ROBO3: variants seen among roughly 807,000 people sequenced by gnomAD.
ROBO3 encodes the protein roundabout guidance receptor 3.
ROBO3 carries 97 observed loss-of-function variants against 160.5 expected under a neutral mutation model. The ratio of observed to expected loss-of-function variants is 0.60; its 90% CI spans 0.51 to 0.72. The LOEUF (loss-of-function observed/expected upper bound fraction) is 0.72. Among genes scored for constraint, ROBO3 ranks in the 30% least tolerant of loss-of-function variants. ROBO3 has a pLI of 0.00. For missense variants in ROBO3, 1,858 were observed against 1,846.5 expected (o/e 1.01, Z -0.11); for synonymous variants, 780 against 746.2 (o/e 1.05, Z -0.74).
Position 124,879,478 on chromosome 11 carries a change from G to T in ROBO3, c.3699G>T (p.Gln1233His), listed in dbSNP as rs187100978. The change falls in exon 25 of 28, where the codon CAG becomes CAT. Residue 1233 changes from glutamine to histidine, a missense_variant. Transcript: ENST00000397801. ...TASSAPGRTW[Q>H]GNGEMTPPLQ... ...CTAACACTGCAGGCAGAACCTGGCA[G>T]GGGAATGGGGAGATGACTCCCCCAC... 9.6e-4 allele frequency: 1,556 copies of T among 1,613,836 alleles called. 23 individuals carry two copies. Among genetic ancestry groups the T allele is most frequent in the Non-Finnish European group, 7.1e-5 (84 of 1,179,808 alleles).
chr11:124,878,232 C>A lies in ROBO3; in HGVS notation c.3182-66C>A. ...CTGGCACCTAGCCCGGCACTTCCTT[C>A]TGACCTGTCTCATCTCTGGCTCTTT... On this transcript the variant is annotated intron_variant, in intron 21 of 27. Coordinates refer to ENST00000397801, the MANE Select transcript of ROBO3 (RefSeq NM_022370.4). The surrounding 1 kb of genome is among the most constrained non-coding windows in gnomAD (Gnocchi z 4.3). 1 of 1,591,158 alleles carries A rather than the reference C, an allele frequency of 6.3e-7. No homozygotes were observed. The highest frequency in any genetic ancestry group is 8.6e-7 in the Non-Finnish European group (1 of 1,166,420).
Position 124,878,068 on chromosome 11 carries a change from C to A in ROBO3, c.3118C>A (p.Pro1040Thr), listed in dbSNP as rs1946448336. The change falls in exon 21 of 28, where the codon CCC becomes ACC. Residue 1040 changes from proline to threonine, a missense_variant. By Grantham distance (38) the Pro-to-Thr change is conservative. Transcript: ENST00000397801. The surrounding 1 kb of genome is among the most constrained non-coding windows in gnomAD (Gnocchi z 4.3). ...QTFHGGFPQH[P>T]SGDLGPWSQY... is the part of the protein sequence containing the mutation. Reference sequence around the variant, plus strand: ...CTTCCATGGGGGCTTCCCCCAACATCCCTCAGGAGATCTGGGTCCCTGGAG... The same window carrying A: ...CTTCCATGGGGGCTTCCCCCAACATACCTCAGGAGATCTGGGTCCCTGGAG... 1.2e-6 allele frequency: 2 copies of A among 1,612,500 alleles called. No individual in the cohort carries two copies. The highest frequency in any genetic ancestry group is 2.7e-5 in the African/African-American group (2 of 74,916).
At position 124,876,158 on chromosome 11, in the gene ROBO3, T is replaced by C; in HGVS notation, c.2593+33T>C. On this transcript the variant is annotated intron_variant, in intron 16 of 27. Coordinates refer to ENST00000397801, the MANE Select transcript of ROBO3 (RefSeq NM_022370.4). This position sits in a 1 kb window ranked among gnomAD's most constrained non-coding sequence, Gnocchi z 5.3. ...CACCCGAGGGCAGTGCTGAGGATCT[T>C]GACGGGGGCGGGGCAAGCCCCCCAC... 1 of 1,568,292 alleles carries C rather than the reference T, an allele frequency of 6.4e-7. No homozygotes were observed. Among genetic ancestry groups the C allele is most frequent in the South Asian group, 1.2e-5 (1 of 86,570 alleles).
intron 7 of ROBO3, among the ~76,000 whole-genome samples, chr11:124,871,887 G>T (rs528908799): frequency 2.0e-5 from 3 of 152,250 alleles, no homozygotes; most frequent in East Asian, 1.9e-4. Context: ...GGTTAGTAGG[G>T]GTGAAGCAGG....
At chr11:124,880,752 T>A in intron 27 of ROBO3, 144 bp downstream of exon 27, 10 of 1,040,062 alleles carry the variant, frequency 9.6e-6, no homozygotes, top group Middle Eastern at 2.9e-4. Flanking sequence ...GAGGGAGGAA[T>A]CCTGTAGAAG....
At chr11:124,870,459 T>G in intron 5 of ROBO3, 142 bp from the exon 6 acceptor site, 1 of 1,464,930 alleles carries the variant, frequency 6.8e-7, no homozygotes, top group South Asian at 1.3e-5. Flanking sequence ...CCCACCTCCA[T>G]TGATGGGTCC....
In ROBO3 at chr11:124,869,430, C is replaced by CGGG; in HGVS notation, c.488-20_488-19insGGG. 1.1e-5 allele frequency: 14 copies of CGGG among 1,229,862 alleles called. No individual in the cohort carries two copies. Among genetic ancestry groups the CGGG allele is most frequent in the African/African-American group, 3.0e-5 (1 of 33,016 alleles). The allele number at this position is 1,229,862 out of a possible 1,614,324, so 76.2% of individuals were successfully genotyped here. A position where few individuals can be genotyped will look rare whatever the true frequency, so the allele number is the denominator to read the frequency against. ...GTCACTCTACACCCTGCTTATTTCG[C>CGGG]CCCCCACCGCCCCGCCCAGTCCTCC... On this transcript the variant is annotated intron_variant, in intron 2 of 27. Transcript: ENST00000397801. The surrounding 1 kb of genome is among the most constrained non-coding windows in gnomAD (Gnocchi z 4.2).
chr11:124,868,460 C>A, intron 1 of ROBO3: 3 of 583,498 alleles, frequency 5.1e-6, no homozygotes, highest in South Asian at 2.0e-5. Context: ...GGCGAGGGAG[C>A]GGTCTACTCG....
chr11:124,878,030 A>T lies in ROBO3; in HGVS notation c.3080A>T (p.Glu1027Val), dbSNP rs2135342161. ...PVYSTIDPAG[E>V]ELQTFHGGFP... ...TATAGCACCATTGACCCAGCGGGGGAGGAGCTGCAGACCTTCCATGGGGGC... is the reference window on the plus strand; with the variant it reads ...TATAGCACCATTGACCCAGCGGGGGTGGAGCTGCAGACCTTCCATGGGGGC... The change falls in exon 21 of 28, where the codon GAG becomes GTG. Residue 1027 changes from glutamate to valine, a missense_variant. Transcript: ENST00000397801. The surrounding 1 kb of genome is among the most constrained non-coding windows in gnomAD (Gnocchi z 4.3). 6.2e-7 allele frequency: 1 copy of T among 1,612,350 alleles called. No homozygotes were observed. The highest frequency in any genetic ancestry group is 1.1e-5 in the South Asian group (1 of 90,770).
chr11:124,867,706 G>T (rs1390280791), intron 1 of ROBO3, among the ~76,000 whole-genome samples: 1 of 151,700 alleles, frequency 6.6e-6, no homozygotes, highest in African/African-American at 2.4e-5. Context: ...TAAGAGGGGG[G>T]GCAGGAAATG....
intron 7 of ROBO3, among the ~76,000 whole-genome samples, chr11:124,871,947 G>T (rs1310660558): frequency 6.6e-6 from 1 of 152,172 alleles, no homozygotes; most frequent in African/African-American, 2.4e-5. Flanking sequence ...ACCCAAACCT[G>T]CTTCCCTGTC....
chr11:124,874,705 G>T (rs943530180), intron 12 of ROBO3, 83 bp from the exon 13 acceptor site: 11 of 1,474,010 alleles, frequency 7.5e-6, no homozygotes, highest in Non-Finnish European at 1.0e-5. Context: ...AGTGGAGCAG[G>T]GCAGAGGTAG....
In ROBO3 at chr11:124,876,760, C is replaced by T. The variant is rs540393013; in HGVS notation, c.2779+300C>T. The stretch of plus-strand genomic sequence containing the variant: ...AGGGGCAAGTTCGAGGACGGAAAGC[C>T]CACTCAAAGGGCGGGGGGCGGGGCC... On this transcript the variant is annotated intron_variant, in intron 17 of 27. Transcript: ENST00000397801. This position sits in a 1 kb window ranked among gnomAD's most constrained non-coding sequence, Gnocchi z 5.3. 1 of 458,678 alleles carries T rather than the reference C, an allele frequency of 2.2e-6. No homozygotes were observed. The highest frequency in any genetic ancestry group is 3.9e-6 in the Non-Finnish European group (1 of 258,530). The allele number at this position is 458,678 out of a possible 1,614,324, so 28.4% of individuals were successfully genotyped here.
Position 124,876,274 on chromosome 11 carries a change from G to T in ROBO3, c.2594-1G>T. 6.8e-7 allele frequency: 1 copy of T among 1,476,196 alleles called. No individual in the cohort carries two copies. The allele number at this position is 1,476,196 out of a possible 1,614,324, so 91.4% of individuals were successfully genotyped here. ...TCCCCTCACTTCTCTGACCCCCACA[G>T]CGTCCCCGCCGGACCTGGAGCCCGG... On this transcript the variant is annotated splice_acceptor_variant, in intron 16 of 27. Coordinates refer to ENST00000397801, the MANE Select transcript of ROBO3 (RefSeq NM_022370.4). LOFTEE classifies it high-confidence loss of function. The surrounding 1 kb of genome is among the most constrained non-coding windows in gnomAD (Gnocchi z 5.3).
Position 124,870,473 on chromosome 11 carries a change from G to T in ROBO3, c.906-128G>T, listed in dbSNP as rs1029903921. On this transcript the variant is annotated intron_variant, in intron 5 of 27. Coordinates refer to ENST00000397801, the MANE Select transcript of ROBO3 (RefSeq NM_022370.4). ...CCCCACCTCCATTGATGGGTCCATG[G>T]GTAACCAGCTTCTGTCCCTGCTGGG... is the stretch of plus-strand genomic sequence containing the variant. The T allele has an allele frequency of 4.6e-6, 7 of 1,505,960 alleles. No homozygotes were observed. The African/African-American group carries it at 8.3e-5, about 18-fold the overall frequency. The allele number at this position is 1,505,960 out of a possible 1,614,324, so 93.3% of individuals were successfully genotyped here. A position where few individuals can be genotyped will look rare whatever the true frequency, so the allele number is the denominator to read the frequency against.
chr11:124,875,516 T>C (rs1487375156), intron 14 of ROBO3, 48 bp from the exon 15 acceptor site: 2 of 1,602,558 alleles, frequency 1.2e-6, no homozygotes, highest in Non-Finnish European at 1.7e-6. Flanking sequence ...GAGGGGCAGC[T>C]TGCAATGACT....
Position 124,876,524 on chromosome 11 carries a change from A to G in ROBO3, c.2779+64A>G. The G allele has an allele frequency of 7.7e-7, 1 of 1,300,650 alleles. No individual in the cohort carries two copies. The highest frequency in any genetic ancestry group is 9.9e-7 in the Non-Finnish European group (1 of 1,014,094). The allele number at this position is 1,300,650 out of a possible 1,614,324, so 80.6% of individuals were successfully genotyped here. ...AGCCAGGCGGCCCATGGGGAGGGGC[A>G]GGGGCTTAGCCGCTGGCGAGTGAGG... On this transcript the variant is annotated intron_variant, in intron 17 of 27. Coordinates refer to ENST00000397801, the MANE Select transcript of ROBO3 (RefSeq NM_022370.4). This position sits in a 1 kb window ranked among gnomAD's most constrained non-coding sequence, Gnocchi z 5.3.
Position 124,873,255 on chromosome 11 carries a change from C to A in ROBO3, c.1537-55C>A. 6.6e-7 allele frequency: 1 copy of A among 1,522,614 alleles called. No individual in the cohort carries two copies. The highest frequency in any genetic ancestry group is 1.2e-5 in the South Asian group (1 of 84,826). The allele number at this position is 1,522,614 out of a possible 1,614,324, so 94.3% of individuals were successfully genotyped here. On this transcript the variant is annotated intron_variant, in intron 9 of 27. Coordinates refer to ENST00000397801, the MANE Select transcript of ROBO3 (RefSeq NM_022370.4). This position sits in a 1 kb window ranked among gnomAD's most constrained non-coding sequence, Gnocchi z 4.5. ...ATCCTTCTGCTACCCGCCTCCACCC[C>A]CTCACTGGATCTTGCTCCACTCTCA...
intron 1 of ROBO3, among the ~76,000 whole-genome samples, chr11:124,867,639 A>T (rs1591507072): frequency 6.6e-6 from 1 of 152,158 alleles, no homozygotes; most frequent in South Asian, 2.1e-4. Context: ...ATTAAAATAA[A>T]CTCAGAACAG....
Sources: gnomAD v4.1 joint callset for allele counts (sites outside exome capture counted in the v4.1 genomes callset) on GRCh38, gnomAD v4.1.1 for gene constraint, Gnocchi (gnomAD v3.1) non-coding constraint, MANE v1.5 for transcripts, NCBI Gene and HGNC (gene_info 2026-07-23, HGNC 2026-07-21) for gene names.